ANK3: variants seen among roughly 807,000 people sequenced by gnomAD.
ANK3 encodes ankyrin 3.
Under a neutral mutation model 370.9 loss-of-function variants are expected in ANK3, and 57 were observed. That is an observed-to-expected ratio of 0.15 (90% CI 0.12 to 0.19). ANK3 has a LOEUF of 0.19. Ranked by LOEUF, ANK3 falls within the 10% of genes least tolerant of loss-of-function variation. The probability of loss-of-function intolerance (pLI) is 1.00; values close to 1 mark genes in which losing one functional copy is unlikely to be tolerated. For missense variants in ANK3, 4,439 were observed against 5,302.1 expected (o/e 0.84, Z 5.06); for synonymous variants, 1,929 against 1,946.3 (o/e 0.99, Z 0.23).
At chr10:60,177,312 T>C (rs2095996369) in intron 18 of ANK3, among the ~76,000 whole-genome samples, 2 of 152,236 alleles carry the variant, frequency 1.3e-5, no homozygotes, top group African/African-American at 2.4e-5. Flanking sequence ...ACTGTGATGA[T>C]TCCGAAATCT....
At chr10:60,291,452 C>T (rs1252646611) in intron 1 of ANK3, among the ~76,000 whole-genome samples, 1 of 152,078 alleles carries the variant, frequency 6.6e-6, no homozygotes, top group Non-Finnish European at 1.5e-5. Flanking sequence ...TCTTACTGTG[C>T]TGCAGACACA....
chr10:60,128,284 C>A (rs1253813108), intron 25 of ANK3, among the ~76,000 whole-genome samples: 1 of 152,104 alleles, frequency 6.6e-6, no homozygotes, highest in Non-Finnish European at 1.5e-5. Flanking sequence ...TAAAATGAGG[C>A]AATCTGGAGC....
chr10:60,531,933 G>A (rs2076615163), intron 2 of ANK3, among the ~76,000 whole-genome samples: 1 of 152,110 alleles, frequency 6.6e-6, no homozygotes, highest in African/African-American at 2.4e-5. Context: ...GTTCACTTAT[G>A]TTTGAGAAGC....
intron 7 of ANK3, among the ~76,000 whole-genome samples, chr10:60,254,508 G>A (rs140495782): frequency 7.6e-4 from 115 of 152,286 alleles, no homozygotes; most frequent in African/African-American, 2.7e-3. Flanking sequence ...TCACAGCCCA[G>A]AGCCTGAGGC....
intron 8 of ANK3, 21 bp downstream of exon 8, chr10:60,234,667 G>A: frequency 2.1e-6 from 3 of 1,459,526 alleles, no homozygotes; most frequent in South Asian, 1.1e-5. Flanking sequence ...GTAGAAGCAG[G>A]TACATAAGTT....
At chr10:60,569,412 A>G (rs578207122) in intron 2 of ANK3, among the ~76,000 whole-genome samples, 1 of 152,350 alleles carries the variant, frequency 6.6e-6, no homozygotes, top group East Asian at 1.9e-4. Context: ...AAGACAAGAT[A>G]TCAAGTTAGA....
intron 1 of ANK3, among the ~76,000 whole-genome samples, chr10:60,296,759 G>C (rs558992997): frequency 3.3e-5 from 5 of 152,306 alleles, no homozygotes; most frequent in Non-Finnish European, 5.9e-5. Flanking sequence ...GCTGAGATGA[G>C]AGCCTAAGAG....
chr10:60,397,260 C>A (rs576870063), intron 2 of ANK3, among the ~76,000 whole-genome samples: 2 of 150,696 alleles, frequency 1.3e-5, no homozygotes, highest in East Asian at 3.9e-4. Flanking sequence ...AGTCAAATTT[C>A]AGACTAAAAC....
At chr10:60,528,208 C>T (rs1232750540) in intron 2 of ANK3, among the ~76,000 whole-genome samples, 1 of 143,814 alleles carries the variant, frequency 7.0e-6, no homozygotes, top group Admixed American at 7.3e-5. Context: ...GCAATCTCGA[C>T]TCACCACAAC....
chr10:60,546,354 T>C (rs751509848), intron 2 of ANK3, among the ~76,000 whole-genome samples: 13 of 152,198 alleles, frequency 8.5e-5, no homozygotes, highest in Non-Finnish European at 7.3e-5. Context: ...CTTTTTATAA[T>C]TACAAGGTAC....
chr10:60,162,209 G>T (rs771687227), intron 23 of ANK3, among the ~76,000 whole-genome samples: 14 of 152,268 alleles, frequency 9.2e-5, no homozygotes, highest in Admixed American at 3.9e-4. Flanking sequence ...TGAAAGAGAT[G>T]ATCTATGCAG....
chr10:60,278,813 G>T lies in ANK3; in HGVS notation c.375C>A (p.Val125=). Residue 125 remains valine, a synonymous_variant, in exon 4 of 44, where the codon GTC becomes GTA. Coordinates refer to ENST00000280772, the MANE Select transcript of ANK3 (RefSeq NM_020987.5). The part of the protein sequence containing the change: ...SLAGQAEVVK[V]LVTNGANVNA... ...TGACATTGGCTCCATTTGTAACCAAGACTTTTACCACCTCTGCTTGCCCAG... is the reference window on the plus strand; with the variant it reads ...TGACATTGGCTCCATTTGTAACCAATACTTTTACCACCTCTGCTTGCCCAG... 6.2e-7 allele frequency: 1 copy of T among 1,613,956 alleles called. No individual in the cohort carries two copies. Among genetic ancestry groups the T allele is most frequent in the South Asian group, 1.1e-5 (1 of 91,068 alleles).
intron 1 of ANK3, chr10:60,684,518 T>C: frequency 2.0e-6 from 3 of 1,523,220 alleles, no homozygotes; most frequent in Non-Finnish European, 2.7e-6. Context: ...GGGAATGGAC[T>C]ATCAGACCAG....
At chr10:60,384,046 C>A (rs2061916724) in intron 1 of ANK3, among the ~76,000 whole-genome samples, 1 of 152,138 alleles carries the variant, frequency 6.6e-6, no homozygotes, top group African/African-American at 2.4e-5. Context: ...CCTAGGTCCA[C>A]CAATCACTAG....
chr10:60,292,811 G>T (rs927391973), intron 1 of ANK3, among the ~76,000 whole-genome samples: 2 of 151,286 alleles, frequency 1.3e-5, no homozygotes, highest in East Asian at 3.9e-4. Context: ...GGGTTCAAGC[G>T]ATTCTTCTGC....
chr10:60,597,934 G>T (rs542947981), intron 2 of ANK3, among the ~76,000 whole-genome samples: 113 of 152,132 alleles, frequency 7.4e-4, no homozygotes, highest in African/African-American at 2.6e-3. Flanking sequence ...CACGAAGCTT[G>T]GTTCCTTTTT....
chr10:60,088,920 G>T, intron 28 of ANK3, among the ~76,000 whole-genome samples: 1 of 152,136 alleles, frequency 6.6e-6, no homozygotes, highest in Middle Eastern at 3.4e-3. Flanking sequence ...TGCCACCTGT[G>T]GATAAATTCC....
At chr10:60,067,242 T>A (rs919766935) in intron 38 of ANK3, among the ~76,000 whole-genome samples, 1 of 152,230 alleles carries the variant, frequency 6.6e-6, no homozygotes, top group Admixed American at 6.5e-5. Flanking sequence ...TTTATTTACA[T>A]GTTTATCATA....
At position 60,166,831 on chromosome 10, in the gene ANK3, A is replaced by T; in HGVS notation, c.2544T>A (p.Asp848Glu). 6.2e-7 allele frequency: 1 copy of T among 1,613,860 alleles called. No individual in the cohort carries two copies. The highest frequency in any genetic ancestry group is 8.5e-7 in the Non-Finnish European group (1 of 1,179,788). The change falls in exon 22 of 44, where the codon GAT becomes GAA. Residue 848 changes from aspartate (D) to glutamate (E), a missense_variant. This residue lies in a region of ANK3 where 702 missense variants were observed against 941.5 expected (regional missense o/e 0.75). Transcript: ENST00000280772. ...ETMNEVLDMS[D>E]DEVRKANAPE... Reference sequence around the variant, plus strand: ...CAAAGAACATTTTCATACCTTCATCATCAGACATATCAAGAACTTCATTCA... The same window carrying T: ...CAAAGAACATTTTCATACCTTCATCTTCAGACATATCAAGAACTTCATTCA...
Sources: allele counts gnomAD v4.1 joint callset (sites outside exome capture counted in the v4.1 genomes callset), GRCh38; gene constraint gnomAD v4.1.1; regional missense constraint gnomAD v4.1.1; transcripts MANE v1.5; gene names NCBI Gene and HGNC (gene_info 2026-07-23, HGNC 2026-07-21).